PPIL3: variants seen among roughly 807,000 people sequenced by gnomAD.
The protein encoded by PPIL3 is peptidylprolyl isomerase like 3.
A neutral mutation model predicts 20.9 loss-of-function variants in PPIL3; 13 were observed. The observed-to-expected ratio is 0.62, with a 90% confidence interval of 0.40 to 0.99. The LOEUF is 0.99. Among genes scored for constraint, PPIL3 ranks in the 50% least tolerant of loss-of-function variants. PPIL3 has a pLI of 0.00. For synonymous variants in PPIL3, 71 were observed against 64.4 expected (o/e 1.10, Z -0.49); for missense variants, 170 against 195.2 (o/e 0.87, Z 0.77).
chr2:200,871,577 C>T, intron 6 of PPIL3, 56 bp from the exon 7 acceptor site: 1 of 1,467,548 alleles, frequency 6.8e-7, no homozygotes, highest in Admixed American at 1.9e-5. Context: ...ACATGATATC[C>T]ATATCTATGA....
intron 5 of PPIL3, among the ~76,000 whole-genome samples, chr2:200,879,855 G>A (rs1276080818): frequency 6.6e-6 from 1 of 152,154 alleles, no homozygotes; most frequent in African/African-American, 2.4e-5. Flanking sequence ...AGTTCCACAG[G>A]TGATTCTGTC....
intron 3 of PPIL3, among the ~76,000 whole-genome samples, chr2:200,883,800 T>G (rs941705360): frequency 6.6e-6 from 1 of 152,182 alleles, no homozygotes; most frequent in African/African-American, 2.4e-5. Flanking sequence ...TCTTGCTCTG[T>G]CACCTAGGCT....
chr2:200,881,277 C>T (rs2039710610), intron 5 of PPIL3, 144 bp downstream of exon 5: 2 of 632,818 alleles, frequency 3.2e-6, no homozygotes, highest in Non-Finnish European at 5.2e-6. Flanking sequence ...GTCTCCCCGA[C>T]ATCATTTGTC....
At chr2:200,877,818 A>T (rs1024241025) in intron 5 of PPIL3, among the ~76,000 whole-genome samples, 3 of 152,212 alleles carry the variant, frequency 2.0e-5, no homozygotes, top group African/African-American at 7.2e-5. Flanking sequence ...TGTTCCACTC[A>T]TGGGCAGTCA....
Position 200,881,504 on chromosome 2 carries a change from A to C in PPIL3, c.173-16T>G, listed in dbSNP as rs749147032. 2 of 1,602,572 alleles carry C rather than the reference A, an allele frequency of 1.2e-6. No individual in the cohort carries two copies. Among genetic ancestry groups the C allele is most frequent in the Non-Finnish European group, 1.7e-6 (2 of 1,172,174 alleles). On this transcript the variant is annotated splice_polypyrimidine_tract_variant and intron_variant, in intron 4 of 6. Coordinates refer to ENST00000392283, the MANE Select transcript of PPIL3 (RefSeq NM_130906.3). Reference sequence around the variant, plus strand: ...CTTCCAGTTCCTACATTACAAGTGAAGCAAATCAAAAGAAGTATTTAATTA... The same window carrying C: ...CTTCCAGTTCCTACATTACAAGTGACGCAAATCAAAAGAAGTATTTAATTA...
intron 2 of PPIL3, among the ~76,000 whole-genome samples, chr2:200,887,334 G>A (rs1025883642): frequency 5.2e-5 from 7 of 134,424 alleles, no homozygotes; most frequent in East Asian, 4.4e-4. Context: ...GCAGTGAGCC[G>A]AGATTACACC....
At position 200,881,494 on chromosome 2, in the gene PPIL3, T is replaced by C; in HGVS notation, c.173-6A>G. 1 of 1,609,864 alleles carries C rather than the reference T, an allele frequency of 6.2e-7. No homozygotes were observed. The stretch of plus-strand genomic sequence containing the variant: ...GTTGCCTCCTCTTCCAGTTCCTACA[T>C]TACAAGTGAAGCAAATCAAAAGAAG... On this transcript the variant is annotated splice_polypyrimidine_tract_variant and splice_region_variant and intron_variant, in intron 4 of 6. Transcript: ENST00000392283.
chr2:200,883,341 C>A (rs1377102927), intron 3 of PPIL3, among the ~76,000 whole-genome samples: 1 of 151,754 alleles, frequency 6.6e-6, no homozygotes, highest in Non-Finnish European at 1.5e-5. Flanking sequence ...ATGGAGATGC[C>A]CTCATACCTT....
intron 3 of PPIL3, chr2:200,885,400 A>G (rs2039895714): frequency 2.9e-6 from 1 of 339,164 alleles, no homozygotes; most frequent in Non-Finnish European, 5.2e-6. Flanking sequence ...TAAATAAAAA[A>G]AAAGAAAGAA....
chr2:200,882,906 A>C (rs575452890), intron 3 of PPIL3, among the ~76,000 whole-genome samples: 2 of 151,302 alleles, frequency 1.3e-5, no homozygotes, highest in South Asian at 2.1e-4. Context: ...AAAAAAAAAA[A>C]AAAACAACCA....
chr2:200,875,931 T>C lies in PPIL3; in HGVS notation c.359+988A>G, dbSNP rs2039495356. ...GTCTTTCCTCCCCTTTCCTCCCTGA[T>C]ACACAGAAGTTTTGATAAGAGCTGT... On this transcript the variant is annotated intron_variant, in intron 6 of 6. Transcript: ENST00000392283. Among the ~76,000 whole-genome samples the C allele has an allele frequency of 2.0e-5, 3 of 152,210 alleles. No individual in the cohort carries two copies. In the South Asian group the frequency reaches 6.2e-4, roughly 32 times the overall value.
rs747470020 is a variant in PPIL3 at position 200,889,077 on chromosome 2, C to T, written c.-192G>A. On this transcript the variant is annotated 5_prime_UTR_variant, in exon 1 of 7. Coordinates refer to ENST00000392283, the MANE Select transcript of PPIL3 (RefSeq NM_130906.3). ...TCTTTGGGCCAGCGGAAGTTGGGCGCGGGACCCAAGAGAGAGAACGCCCCT... is the reference window on the plus strand; with the variant it reads ...TCTTTGGGCCAGCGGAAGTTGGGCGTGGGACCCAAGAGAGAGAACGCCCCT... 3.2e-5 allele frequency: 15 copies of T among 470,632 alleles called. No individual in the cohort carries two copies. The highest frequency in any genetic ancestry group is 6.6e-5 in the Non-Finnish European group (15 of 227,030). 29.2% of individuals were successfully genotyped at this position (470,632 alleles called of 1,614,324 possible).
In PPIL3 at chr2:200,881,407, C is replaced by G; in HGVS notation, c.240+14G>C. On this transcript the variant is annotated intron_variant, in intron 5 of 6. Transcript: ENST00000392283. ...AGGCATGAGAAATAGATTTTTAAAG[C>G]ATTGAGGATTTACCTTAAGATATTC... 1 of 1,598,570 alleles carries G rather than the reference C, an allele frequency of 6.3e-7. No homozygotes were observed. The highest frequency in any genetic ancestry group is 1.3e-5 in the African/African-American group (1 of 74,534).
chr2:200,887,330 A>G (rs1358539610), intron 2 of PPIL3, among the ~76,000 whole-genome samples: 2 of 147,194 alleles, frequency 1.4e-5, no homozygotes, highest in South Asian at 2.2e-4. Flanking sequence ...GGCTGCAGTG[A>G]GCCGAGATTA....
rs2039758173 is a variant in PPIL3 at position 200,882,214 on chromosome 2, T to C, written c.172+128A>G. 3 of 685,434 alleles carry C rather than the reference T, an allele frequency of 4.4e-6. No homozygotes were observed. In the Admixed American group the frequency reaches 7.5e-5, roughly 17 times the overall value. 42.5% of individuals were successfully genotyped at this position (685,434 alleles called of 1,614,324 possible). On this transcript the variant is annotated intron_variant, in intron 4 of 6. Coordinates refer to ENST00000392283, the MANE Select transcript of PPIL3 (RefSeq NM_130906.3). ...GTAACAAACCTGCATGTTCTGTACTTGTAGAACAGAACTTATTAAACAAAA... is the reference window on the plus strand; with the variant it reads ...GTAACAAACCTGCATGTTCTGTACTCGTAGAACAGAACTTATTAAACAAAA...
At chr2:200,884,352 A>G (rs1261034943) in intron 3 of PPIL3, among the ~76,000 whole-genome samples, 1 of 151,936 alleles carries the variant, frequency 6.6e-6, no homozygotes, top group Non-Finnish European at 1.5e-5. Flanking sequence ...CAGTGACCCA[A>G]GATTGGGCCA....
At position 200,888,983 on chromosome 2, in the gene PPIL3, G is replaced by A. The variant is rs2040091741; in HGVS notation, c.-98C>T. ...GGGCTTCACCACTTCGTCTAGCACA[G>A]CCGTTGTTAAAACAGGAAAAATGCA... On this transcript the variant is annotated 5_prime_UTR_variant, in exon 1 of 7. Coordinates refer to ENST00000392283, the MANE Select transcript of PPIL3 (RefSeq NM_130906.3). 2 of 471,098 alleles carry A rather than the reference G, an allele frequency of 4.2e-6. No homozygotes were observed. Among genetic ancestry groups the A allele is most frequent in the East Asian group, 6.9e-5 (1 of 14,414 alleles). 29.2% of individuals were successfully genotyped at this position (471,098 alleles called of 1,614,324 possible).
intron 6 of PPIL3, among the ~76,000 whole-genome samples, chr2:200,873,896 T>G (rs1238316620): frequency 6.6e-6 from 1 of 151,970 alleles, no homozygotes; most frequent in African/African-American, 2.4e-5. Context: ...ACCACTGGTA[T>G]GTACTTTAAA....
At chr2:200,873,481 C>T (rs558962401) in intron 6 of PPIL3, among the ~76,000 whole-genome samples, 30 of 152,182 alleles carry the variant, frequency 2.0e-4, no homozygotes, top group East Asian at 5.8e-4. Context: ...TGAGCCACCA[C>T]GTCTGGCCTA....
Sources: allele counts gnomAD v4.1 joint callset (sites outside exome capture counted in the v4.1 genomes callset), GRCh38; gene constraint gnomAD v4.1.1; transcripts MANE v1.5; gene names NCBI Gene and HGNC (gene_info 2026-07-23, HGNC 2026-07-21).